Variants in ITSN2 observed in about 807,000 individuals in gnomAD.
The protein encoded by ITSN2 is intersectin-2.
Under a neutral mutation model 243.7 loss-of-function variants are expected in ITSN2, and 156 were observed. The observed-to-expected ratio is 0.64, with a 90% CI of 0.56 to 0.73. The LOEUF is 0.73. Among genes scored for constraint, ITSN2 ranks in the 30% least tolerant of loss-of-function variants. ITSN2 has a pLI of 0.00. For missense variants in ITSN2, 1,801 were observed against 1,996.1 expected (o/e 0.90, Z 1.86); for synonymous variants, 703 against 699.9 (o/e 1.00, Z -0.07).
chr2:24,339,200 T>C (rs1686770758), intron 1 of ITSN2, among the ~76,000 whole-genome samples: 1 of 151,856 alleles, frequency 6.6e-6, no homozygotes, highest in Non-Finnish European at 1.5e-5. Context: ...TCTTAAGAGG[T>C]ACAAGAGGCC....
At chr2:24,298,548 G>T in intron 13 of ITSN2, 117 bp downstream of exon 13, 2 of 877,182 alleles carry the variant, frequency 2.3e-6, no homozygotes, top group Non-Finnish European at 3.4e-6. Flanking sequence ...TGCCTGCCTT[G>T]GCCTCCCAAA....
intron 23 of ITSN2, 49 bp downstream of exon 23, chr2:24,257,839 G>T: frequency 1.4e-6 from 2 of 1,382,258 alleles, no homozygotes; most frequent in Non-Finnish European, 1.0e-6. Flanking sequence ...TGACTCATTA[G>T]TGAAAATACC....
At chr2:24,234,697 C>T (rs1278682911) in intron 29 of ITSN2, among the ~76,000 whole-genome samples, 1 of 152,090 alleles carries the variant, frequency 6.6e-6, no homozygotes, top group Non-Finnish European at 1.5e-5. Flanking sequence ...TTAACAGATG[C>T]CTCATGGAAA....
intron 1 of ITSN2, among the ~76,000 whole-genome samples, chr2:24,341,577 T>C (rs1034853075): frequency 6.6e-6 from 1 of 152,152 alleles, no homozygotes; most frequent in Non-Finnish European, 1.5e-5. Flanking sequence ...AGGCAATAAA[T>C]GTTTAAAATA....
At chr2:24,224,736 C>T (rs1425844320) in intron 29 of ITSN2, among the ~76,000 whole-genome samples, 3 of 151,966 alleles carry the variant, frequency 2.0e-5, no homozygotes, top group East Asian at 1.9e-4. Flanking sequence ...CGGGTTCAAG[C>T]GATTCTCCTG....
At chr2:24,208,908 G>A (rs1024404611) in intron 36 of ITSN2, among the ~76,000 whole-genome samples, 192 bp downstream of exon 36, 8 of 152,178 alleles carry the variant, frequency 5.3e-5, no homozygotes, top group Non-Finnish European at 1.0e-4. Context: ...ACTAGAAGCC[G>A]GGAAGCATGT....
intron 20 of ITSN2, among the ~76,000 whole-genome samples, chr2:24,263,287 A>C (rs1256898164): frequency 6.6e-6 from 1 of 152,190 alleles, no homozygotes; most frequent in Non-Finnish European, 1.5e-5. Flanking sequence ...AACTCACTGA[A>C]TAAATGAATA....
At chr2:24,234,941 C>T (rs1671991999) in intron 29 of ITSN2, among the ~76,000 whole-genome samples, 1 of 152,154 alleles carries the variant, frequency 6.6e-6, no homozygotes, top group South Asian at 2.1e-4. Flanking sequence ...TTGCCATTTA[C>T]AAACTAAACA....
intron 13 of ITSN2, among the ~76,000 whole-genome samples, chr2:24,298,149 G>A (rs1050308451): frequency 2.0e-5 from 3 of 150,034 alleles, no homozygotes; most frequent in Admixed American, 6.6e-5. Context: ...CACCCACCAC[G>A]GCCAGCTAAT....
chr2:24,298,392 G>A (rs1174812875), intron 13 of ITSN2, among the ~76,000 whole-genome samples: 1 of 151,884 alleles, frequency 6.6e-6, no homozygotes, highest in African/African-American at 2.4e-5. Flanking sequence ...TCCTGACCTC[G>A]TGATCCACCC....
In ITSN2 at chr2:24,258,052, G is replaced by A. The variant is rs1219102223; in HGVS notation, c.2724C>T (p.Ser908=). The part of the protein sequence containing the change: ...VENLKAQALC[S]WTAKKDNHLN... ...AGTGGTTATCTTTCTTTGCAGTCCA[G>A]GAACAAAGGGCCTGTGCTTTTAAGT... The change falls in exon 23 of 40, where the codon TCC becomes TCT. Residue 908 remains serine, a synonymous_variant. Coordinates refer to ENST00000355123, the MANE Select transcript of ITSN2 (RefSeq NM_006277.3). 6.2e-7 allele frequency: 1 copy of A among 1,613,944 alleles called. No individual in the cohort carries two copies. Among genetic ancestry groups the A allele is most frequent in the Non-Finnish European group, 8.5e-7 (1 of 1,179,978 alleles).
intron 32 of ITSN2, 25 bp from the exon 33 acceptor site, chr2:24,212,773 G>A (rs1411758338): frequency 6.3e-7 from 1 of 1,576,730 alleles, no homozygotes; most frequent in Non-Finnish European, 8.7e-7. Context: ...TGAGGCTCGT[G>A]AGGAAATCAC....
intron 29 of ITSN2, among the ~76,000 whole-genome samples, chr2:24,230,494 G>A (rs1172441729): frequency 6.6e-6 from 1 of 152,196 alleles, no homozygotes; most frequent in Non-Finnish European, 1.5e-5. Context: ...TTGGCTGGGT[G>A]CGGTGGCTCA....
rs139136584 is a variant in ITSN2 at position 24,301,815 on chromosome 2, G to A, written c.995+150C>T. 4.6e-4 allele frequency: 323 copies of A among 702,026 alleles called. 1 individual carries two copies. In the African/African-American group the frequency reaches 5.4e-3, roughly 12 times the overall value. The allele number at this position is 702,026 out of a possible 1,614,324, so 43.5% of individuals were successfully genotyped here. On this transcript the variant is annotated intron_variant, in intron 10 of 39. Coordinates refer to ENST00000355123, the MANE Select transcript of ITSN2 (RefSeq NM_006277.3). ...TATGATTACAGGCGTAAGCTGCCACGCCTGGCCCACACCTACTTCTAATAT... is the reference window on the plus strand; with the variant it reads ...TATGATTACAGGCGTAAGCTGCCACACCTGGCCCACACCTACTTCTAATAT...
chr2:24,241,242 A>C (rs1672697077), intron 29 of ITSN2: 1 of 152,228 alleles, frequency 6.6e-6, no homozygotes, highest in African/African-American at 2.4e-5. Context: ...TGATTAAAAC[A>C]GGTAACAATG....
chr2:24,338,419 C>T (rs1470182804), intron 1 of ITSN2, among the ~76,000 whole-genome samples: 3 of 152,148 alleles, frequency 2.0e-5, no homozygotes, highest in Non-Finnish European at 4.4e-5. Context: ...TAAAACCAAG[C>T]TGCACCCTGA....
At chr2:24,209,267 C>T (rs1438637855) in intron 35 of ITSN2, 46 bp from the exon 36 acceptor site, 3 of 1,592,420 alleles carry the variant, frequency 1.9e-6, no homozygotes, top group Admixed American at 1.7e-5. Flanking sequence ...TGGGCTAGAA[C>T]ACTCCACCCG....
At chr2:24,242,163 T>C (rs1287753304) in intron 29 of ITSN2, 3 of 152,468 alleles carry the variant, frequency 2.0e-5, no homozygotes, top group African/African-American at 7.2e-5. Flanking sequence ...ACTTGGATAG[T>C]GGGTCTCTGG....
chr2:24,246,934 T>C, intron 27 of ITSN2, 41 bp from the exon 28 acceptor site: 1 of 1,233,632 alleles, frequency 8.1e-7, no homozygotes, highest in Non-Finnish European at 1.2e-6. Context: ...AAAGATGAGA[T>C]TAAAAACAAT....
Sources: gnomAD v4.1 joint callset for allele counts (sites outside exome capture counted in the v4.1 genomes callset) on GRCh38, gnomAD v4.1.1 for gene constraint, MANE v1.5 for transcripts, NCBI Gene and HGNC (gene_info 2026-07-23, HGNC 2026-07-21) for gene names.